The following PCDHGA1 variants were observed in gnomAD, a reference collection of about 807,000 sequenced individuals.
PCDHGA1 encodes protocadherin gamma subfamily A, 1.
Under a neutral mutation model 58.0 loss-of-function variants are expected in PCDHGA1, and 32 were observed. The ratio of observed to expected loss-of-function variants is 0.55; its 90% CI spans 0.42 to 0.74. PCDHGA1 has a LOEUF of 0.74. PCDHGA1 is among the 30% of genes least tolerant of loss of function. The pLI is 0.00. For missense variants in PCDHGA1, 1,205 were observed against 1,182.3 expected (o/e 1.02, Z -0.28); for synonymous variants, 498 against 501.1 (o/e 0.99, Z 0.08).
chr5:141,382,017 C>T (rs1288762588), intron 1 of PCDHGA1, among the ~76,000 whole-genome samples: 2 of 151,562 alleles, frequency 1.3e-5, no homozygotes, highest in African/African-American at 2.4e-5. Flanking sequence ...TTAGTAGAGA[C>T]GGGGTTTCTC....
At chr5:141,501,755 G>C (rs2099810889) in intron 2 of PCDHGA1, among the ~76,000 whole-genome samples, 1 of 152,116 alleles carries the variant, frequency 6.6e-6, no homozygotes, top group Non-Finnish European at 1.5e-5. Context: ...GAAGCTCTCA[G>C]TAAATGGTTA....
intron 2 of PCDHGA1, among the ~76,000 whole-genome samples, chr5:141,497,390 C>T (rs2099776143): frequency 6.6e-6 from 1 of 152,158 alleles, no homozygotes; most frequent in Non-Finnish European, 1.5e-5. Context: ...GAGCACCTTA[C>T]CCCTGCCTCA....
intron 1 of PCDHGA1, among the ~76,000 whole-genome samples, chr5:141,492,886 C>A (rs1479930324): frequency 6.6e-6 from 1 of 152,178 alleles, no homozygotes; most frequent in African/African-American, 2.4e-5. Context: ...GAGATACAGG[C>A]TTTTGGCGCC....
chr5:141,409,761 T>A, intron 1 of PCDHGA1: 1 of 1,612,966 alleles, frequency 6.2e-7, no homozygotes, highest in Non-Finnish European at 8.5e-7. Context: ...CAGCGCGCCT[T>A]TGATCACGAG....
At chr5:141,497,465 G>A (rs189158903) in intron 2 of PCDHGA1, among the ~76,000 whole-genome samples, 1 of 152,024 alleles carries the variant, frequency 6.6e-6, no homozygotes, top group East Asian at 1.9e-4. Flanking sequence ...TTGGAGATAT[G>A]GAGGAGAAGG....
At position 141,383,792 on chromosome 5, in the gene PCDHGA1, C is replaced by T. The variant is rs766483523; in HGVS notation, c.2421+50687C>T. On this transcript the variant is annotated intron_variant, in intron 1 of 3. Coordinates refer to ENST00000517417, the MANE Select transcript of PCDHGA1 (RefSeq NM_018912.3). ...AAGATGTTTCATCTGAACTCGCTTA[C>T]AGGAGAAATATCAACTTTAGAAGGA... 2 of 1,613,914 alleles carry T rather than the reference C, an allele frequency of 1.2e-6. No homozygotes were observed. The highest frequency in any genetic ancestry group is 1.1e-5 in the South Asian group (1 of 91,080).
At chr5:141,497,020 C>T (rs138768677) in intron 2 of PCDHGA1, among the ~76,000 whole-genome samples, 8 of 152,122 alleles carry the variant, frequency 5.3e-5, no homozygotes, top group African/African-American at 1.7e-4. Flanking sequence ...GAAACCCCAT[C>T]TCGATTAAAA....
intron 1 of PCDHGA1, chr5:141,375,266 G>GA: frequency 1.9e-6 from 3 of 1,613,846 alleles, no homozygotes; most frequent in Non-Finnish European, 1.7e-6. Context: ...ATTTGAATTG[G>GA]AAAAATCAGT....
intron 1 of PCDHGA1, among the ~76,000 whole-genome samples, chr5:141,474,250 A>G (rs2099346141): frequency 6.6e-6 from 1 of 152,236 alleles, no homozygotes; most frequent in East Asian, 1.9e-4. Flanking sequence ...GGGGAAAAAA[A>G]GACTGATAAA....
chr5:141,490,088 ACCACAC>A lies in PCDHGA1; in HGVS notation c.2422-4718_2422-4713del. On this transcript the variant is annotated intron_variant, in intron 1 of 3. Transcript: ENST00000517417. The surrounding 1 kb of genome is among the most constrained non-coding windows in gnomAD (Gnocchi z 5.4). The stretch of plus-strand genomic sequence containing the variant: ...GGCCAACTAGACTATTCTTTTGGAG[ACCACAC>A]ATCTGAGGCAGTGCGGAACCTCTTT... The A allele has an allele frequency of 6.2e-7, 1 of 1,614,190 alleles. No homozygotes were observed. Among genetic ancestry groups the A allele is most frequent in the Non-Finnish European group, 8.5e-7 (1 of 1,180,004 alleles).
Position 141,485,187 on chromosome 5 carries a change from T to A in PCDHGA1, c.2422-9620T>A, listed in dbSNP as rs1325714839. ...CGGGCGGCAGCAATGCTCCGCAAGG[T>A]GAGAAGCTGGACAGAAATCTGGCGG... On this transcript the variant is annotated intron_variant, in intron 1 of 3. Transcript: ENST00000517417. This position sits in a 1 kb window ranked among gnomAD's most constrained non-coding sequence, Gnocchi z 5.7. 1 of 1,613,502 alleles carries A rather than the reference T, an allele frequency of 6.2e-7. No individual in the cohort carries two copies. The highest frequency in any genetic ancestry group is 1.7e-5 in the Admixed American group (1 of 60,018).
chr5:141,400,319 C>G (rs762588918), intron 1 of PCDHGA1: 1 of 1,613,974 alleles, frequency 6.2e-7, no homozygotes, highest in African/African-American at 1.3e-5. Context: ...TGTGTCAAGT[C>G]TGGACCTGTG....
chr5:141,410,524 T>A, intron 1 of PCDHGA1: 1 of 1,613,954 alleles, frequency 6.2e-7, no homozygotes. Context: ...TGCCCCTACA[T>A]TCCAATGAAG....
chr5:141,500,883 T>G (rs1250275850), intron 2 of PCDHGA1, among the ~76,000 whole-genome samples: 2 of 97,532 alleles, frequency 2.1e-5, no homozygotes, highest in African/African-American at 1.2e-4. Context: ...TACAATTTTT[T>G]TTTTTTGAGA....
At chr5:141,467,920 A>G (rs1244280087) in intron 1 of PCDHGA1, among the ~76,000 whole-genome samples, 1 of 152,124 alleles carries the variant, frequency 6.6e-6, no homozygotes, top group Non-Finnish European at 1.5e-5. Flanking sequence ...CAGCCTCCCA[A>G]AATGCTAGGA....
chr5:141,343,742 G>T (rs1757317743), intron 1 of PCDHGA1: 1 of 291,878 alleles, frequency 3.4e-6, no homozygotes, highest in East Asian at 6.2e-5. Context: ...AAATAATAAT[G>T]TGTCTGAGAG....
chr5:141,372,633 A>ACTT, intron 1 of PCDHGA1: 1 of 1,613,996 alleles, frequency 6.2e-7, no homozygotes, highest in Non-Finnish European at 8.5e-7. Context: ...CAGCGAAAGG[A>ACTT]CTTTGCCTTA....
chr5:141,401,922 A>C (rs899426870), intron 1 of PCDHGA1, among the ~76,000 whole-genome samples: 10 of 152,194 alleles, frequency 6.6e-5, no homozygotes, highest in Non-Finnish European at 1.3e-4. Flanking sequence ...AGTTTAAGTG[A>C]TGCTTAGAAT....
chr5:141,370,392 G>A (rs773955179), intron 1 of PCDHGA1: 5 of 1,544,672 alleles, frequency 3.2e-6, no homozygotes, highest in Non-Finnish European at 4.4e-6. Context: ...CGCAGAGAGC[G>A]GGATGGGAAA....
Sources: gnomAD v4.1 joint callset for allele counts (sites outside exome capture counted in the v4.1 genomes callset) on GRCh38, gnomAD v4.1.1 for gene constraint, Gnocchi (gnomAD v3.1) non-coding constraint, MANE v1.5 for transcripts, NCBI Gene and HGNC (gene_info 2026-07-23, HGNC 2026-07-21) for gene names.